MTHFD1: variants seen among roughly 807,000 people sequenced by gnomAD.
MTHFD1 encodes methylenetetrahydrofolate dehydrogenase, cyclohydrolase and formyltetrahydrofolate synthetase 1.
Under a neutral mutation model 110.3 loss-of-function variants are expected in MTHFD1, and 44 were observed. That is an observed-to-expected ratio of 0.40 (90% confidence interval 0.31 to 0.51). The LOEUF is 0.51. Ranked by LOEUF, MTHFD1 falls within the 20% of genes least tolerant of loss-of-function variation. The pLI is 0.60. For synonymous variants in MTHFD1, 402 were observed against 428.8 expected (o/e 0.94, Z 0.77); for missense variants, 909 against 1,173.1 (o/e 0.77, Z 3.29).
At chr14:64,421,761 C>T (rs908005974) in intron 8 of MTHFD1, among the ~76,000 whole-genome samples, 9 of 152,168 alleles carry the variant, frequency 5.9e-5, no homozygotes, top group African/African-American at 1.4e-4. Context: ...GTAGCTGGGA[C>T]TACAGGCGCC....
chr14:64,425,871 G>C, intron 10 of MTHFD1, 44 bp downstream of exon 10: 1 of 1,596,230 alleles, frequency 6.3e-7, no homozygotes, highest in Non-Finnish European at 8.6e-7. Context: ...TGAATTGTTG[G>C]TTTTTAGTTG....
At chr14:64,403,847 A>G (rs2077918083) in intron 2 of MTHFD1, among the ~76,000 whole-genome samples, 1 of 152,150 alleles carries the variant, frequency 6.6e-6, no homozygotes, top group Non-Finnish European at 1.5e-5. Context: ...GTGCTCGGCC[A>G]AGTTGAAGTT....
At chr14:64,439,548 G>T (rs1284727707) in intron 17 of MTHFD1, among the ~76,000 whole-genome samples, 1 of 152,134 alleles carries the variant, frequency 6.6e-6, no homozygotes, top group Admixed American at 6.6e-5. Context: ...ATTATAAGCG[G>T]CCTTCATAGG....
rs1004079253 is a variant in MTHFD1 at position 64,421,760 on chromosome 14, A to G, written c.727+1835A>G. ...CGCCTCCGCCTCCCGAGTAGCTGGG[A>G]CTACAGGCGCCCGCCACCACGCCCG... On this transcript the variant is annotated intron_variant, in intron 8 of 27. Transcript: ENST00000652337. Among the ~76,000 whole-genome samples, 3 of 151,902 alleles carry G rather than the reference A, an allele frequency of 2.0e-5. No homozygotes were observed. The South Asian group carries it at 6.2e-4, about 32-fold the overall frequency.
intron 15 of MTHFD1, among the ~76,000 whole-genome samples, chr14:64,432,903 C>G (rs1037988157): frequency 1.3e-5 from 2 of 152,104 alleles, no homozygotes; most frequent in Admixed American, 6.6e-5. Context: ...TATAGGTACA[C>G]ACACCACCAC....
intron 9 of MTHFD1, 110 bp downstream of exon 9, chr14:64,425,041 ATTTATTG>A: frequency 2.2e-6 from 3 of 1,347,582 alleles, no homozygotes; most frequent in Admixed American, 2.0e-5. Context: ...AAAGATGTGA[ATTTATTG>A]AGAAAAAGGG....
intron 11 of MTHFD1, 152 bp downstream of exon 11, chr14:64,426,344 T>C: frequency 1.1e-6 from 1 of 870,860 alleles, no homozygotes; most frequent in Non-Finnish European, 1.8e-6. Context: ...CTTACAGCAA[T>C]CCTGAGAGGT....
At chr14:64,397,581 T>C (rs930372231) in intron 1 of MTHFD1, among the ~76,000 whole-genome samples, 2 of 152,160 alleles carry the variant, frequency 1.3e-5, no homozygotes, top group Non-Finnish European at 2.9e-5. Context: ...GCGTGAGCCA[T>C]CATGCCCGGC....
chr14:64,401,808 AC>A (rs1368794425), intron 2 of MTHFD1, among the ~76,000 whole-genome samples: 1 of 152,234 alleles, frequency 6.6e-6, no homozygotes, highest in Non-Finnish European at 1.5e-5. Flanking sequence ...ATTTTATGGA[AC>A]AAAAACTTTT....
intron 2 of MTHFD1, among the ~76,000 whole-genome samples, chr14:64,408,473 T>A (rs1381190915): frequency 2.0e-5 from 3 of 151,976 alleles, no homozygotes; most frequent in African/African-American, 4.8e-5. Context: ...ATTTTTAGTA[T>A]AGATGGGGTT....
At position 64,425,045 on chromosome 14, in the gene MTHFD1, A is replaced by T. The variant is rs912621134; in HGVS notation, c.855+114A>T. ...TACTCAGAAGTAAAGATGTGAATTT[A>T]TTGAGAAAAAGGGAAGGGAAGAATA... On this transcript the variant is annotated intron_variant, in intron 9 of 27. Transcript: ENST00000652337. 5.3e-6 allele frequency: 7 copies of T among 1,330,388 alleles called. No individual in the cohort carries two copies. In the African/African-American group the frequency reaches 1.0e-4, roughly 19 times the overall value. 82.4% of individuals were successfully genotyped at this position (1,330,388 alleles called of 1,614,324 possible).
intron 7 of MTHFD1, chr14:64,419,194 G>T (rs2078050676): frequency 6.1e-6 from 1 of 163,910 alleles, no homozygotes; most frequent in Non-Finnish European, 1.3e-5. Flanking sequence ...CTGCCTCGTG[G>T]TGGACAGGGA....
chr14:64,435,791 G>T (rs1328615411), intron 16 of MTHFD1, 120 bp downstream of exon 16: 5 of 723,398 alleles, frequency 6.9e-6, no homozygotes, highest in African/African-American at 1.7e-5. Context: ...ACCAGCTAAG[G>T]CATGACCAAG....
At position 64,417,082 on chromosome 14, in the gene MTHFD1, A is replaced by G. The variant is rs760440761; in HGVS notation, c.479-806A>G. Among the ~76,000 whole-genome samples the G allele has an allele frequency of 4.6e-5, 7 of 152,178 alleles. No homozygotes were observed. Among genetic ancestry groups the G allele is most frequent in the Non-Finnish European group, 1.0e-4 (7 of 68,042 alleles). The stretch of plus-strand genomic sequence containing the variant: ...CCTGAGGACTCTGATGAAGTCGTCA[A>G]CTTCTCTCTGCTTTCTTCTTTGTGG... On this transcript the variant is annotated intron_variant, in intron 6 of 27. Transcript: ENST00000652337. This position sits in a 1 kb window ranked among gnomAD's most constrained non-coding sequence, Gnocchi z 4.4.
At chr14:64,405,991 T>A (rs540439072) in intron 2 of MTHFD1, among the ~76,000 whole-genome samples, 8 of 149,866 alleles carry the variant, frequency 5.3e-5, no homozygotes, top group East Asian at 3.9e-4. Flanking sequence ...GAAGGTAATT[T>A]TATATATATG....
rs758319790 is a variant in MTHFD1 at position 64,419,910 on chromosome 14, A to C, written c.712A>C (p.Ile238Leu). 5 of 1,613,046 alleles carry C rather than the reference A, an allele frequency of 3.1e-6. No individual in the cohort carries two copies. The highest frequency in any genetic ancestry group is 4.2e-6 in the Non-Finnish European group (5 of 1,179,002). Residue 238 changes from isoleucine to leucine, a missense_variant, in exon 8 of 28, where the codon ATC becomes CTC. By Grantham distance (5) the Ile-to-Leu change is conservative (BLOSUM62 2). Coordinates refer to ENST00000652337, the MANE Select transcript of MTHFD1 (RefSeq NM_005956.4). ...KPGAIVIDCGINYVPDDKKPN... is the reference protein window; with the variant it reads ...KPGAIVIDCGLNYVPDDKKPN... ...TGGGGCAATAGTCATCGACTGTGGA[A>C]TCAATTATGTCCCAGGTGAGTGTTG... is the stretch of plus-strand genomic sequence containing the variant.
intron 1 of MTHFD1, among the ~76,000 whole-genome samples, chr14:64,392,550 G>C (rs1261376736): frequency 1.3e-5 from 2 of 152,178 alleles, no homozygotes; most frequent in African/African-American, 4.8e-5. Flanking sequence ...GATGGTTTGA[G>C]TAGGTGCTGC....
chr14:64,447,272 C>T (rs141431292), intron 22 of MTHFD1, among the ~76,000 whole-genome samples: 2 of 149,542 alleles, frequency 1.3e-5, no homozygotes, highest in African/African-American at 4.9e-5. Context: ...TCTCCTCCCT[C>T]AGCCTCCCAA....
At position 64,453,068 on chromosome 14, in the gene MTHFD1, A is replaced by T. The variant is rs141716775; in HGVS notation, c.2458-686A>T. Among the ~76,000 whole-genome samples, 642 of 152,034 alleles carry T rather than the reference A, an allele frequency of 4.2e-3. 5 individuals are homozygous for T. The highest frequency in any genetic ancestry group is 7.5e-3 in the Non-Finnish European group (507 of 67,976). On this transcript the variant is annotated intron_variant, in intron 24 of 27. Coordinates refer to ENST00000652337, the MANE Select transcript of MTHFD1 (RefSeq NM_005956.4). ...TATGAAGAAATAATTATTCTTGGGT[A>T]GTCAGCAACACTGTTTATGATGTAC...
Sources: allele counts gnomAD v4.1 joint callset (sites outside exome capture counted in the v4.1 genomes callset), GRCh38; gene constraint gnomAD v4.1.1; non-coding constraint Gnocchi (gnomAD v3.1); transcripts MANE v1.5; gene names NCBI Gene and HGNC (gene_info 2026-07-23, HGNC 2026-07-21).